The following CHRM3 variants were observed in gnomAD, a reference collection of about 807,000 sequenced individuals.
CHRM3 encodes muscarinic acetylcholine receptor M3.
Under a neutral mutation model 41.8 loss-of-function variants are expected in CHRM3, and 11 were observed. The observed-to-expected ratio is 0.26, with a 90% CI of 0.17 to 0.44. CHRM3 has a LOEUF of 0.44. Ranked by LOEUF, CHRM3 falls within the 20% of genes least tolerant of loss-of-function variation. The probability of loss-of-function intolerance (pLI) is 1.00; values close to 1 mark genes in which losing one functional copy is unlikely to be tolerated. For synonymous variants in CHRM3, 297 were observed against 301.4 expected, an observed-to-expected ratio of 0.99 and a Z score of 0.15; for missense variants, 571 against 745.4, an observed-to-expected ratio of 0.77 and a Z score of 2.72.
At chr1:239,704,306 G>A (rs1274930267) in intron 5 of CHRM3, 4 of 152,068 alleles carry the variant, frequency 2.6e-5, no homozygotes, top group African/African-American at 9.7e-5. Flanking sequence ...AGCTGACCTT[G>A]GACATGATAT....
At chr1:239,818,531 T>C (rs1166220699) in intron 5 of CHRM3, among the ~76,000 whole-genome samples, 1 of 152,162 alleles carries the variant, frequency 6.6e-6, no homozygotes, top group Admixed American at 6.5e-5. Context: ...CTCAGTGCAG[T>C]CCATGGACTA....
rs190296951 is a variant in CHRM3, at chr1:239,623,036, T to C, written c.-312-9188T>C. On this transcript the variant is annotated intron_variant, in intron 3 of 6. Transcript: ENST00000676153. ...CTGATCAGTCAGCACCCATCAACATTGAGGCAAACCCTCCACCAAAAAAAA... is the reference window on the plus strand; with the variant it reads ...CTGATCAGTCAGCACCCATCAACATCGAGGCAAACCCTCCACCAAAAAAAA... Among the ~76,000 whole-genome samples the C allele has an allele frequency of 5.1e-3, 767 of 151,808 alleles. 10 individuals are homozygous for C. The highest frequency in any genetic ancestry group is 0.018 in the African/African-American group (748 of 41,374).
At chr1:239,665,961 A>AACAT (rs1326966874) in intron 4 of CHRM3, among the ~76,000 whole-genome samples, 2 of 152,218 alleles carry the variant, frequency 1.3e-5, no homozygotes, top group African/African-American at 4.8e-5. Flanking sequence ...TATTGTAAAT[A>AACAT]GTGCTGCAAT....
chr1:239,554,729 C>CTTTTTTTTTTTTTT (rs750207504), intron 3 of CHRM3, among the ~76,000 whole-genome samples: 2 of 122,980 alleles, frequency 1.6e-5, no homozygotes, highest in Non-Finnish European at 3.3e-5. Flanking sequence ...GTATTTCTTT[C>CTTTTTTTTTTTTTT]TTTTTTTTTT....
chr1:239,422,807 AAAC>A (rs1558212075), intron 1 of CHRM3, among the ~76,000 whole-genome samples: 1 of 145,490 alleles, frequency 6.9e-6, no homozygotes, highest in African/African-American at 2.8e-5. Flanking sequence ...AAAAAAACAA[AAAC>A]AAAAACAAAA....
At chr1:239,629,637 AT>A (rs1014237993) in intron 3 of CHRM3, 3 of 152,222 alleles carry the variant, frequency 2.0e-5, no homozygotes, top group Admixed American at 6.5e-5. Flanking sequence ...AAACCAAAAA[AT>A]GTTTGTGACT....
chr1:239,458,812 T>C (rs560164629), intron 1 of CHRM3, among the ~76,000 whole-genome samples: 1 of 152,168 alleles, frequency 6.6e-6, no homozygotes, highest in Non-Finnish European at 1.5e-5. Flanking sequence ...ATGGGCATAA[T>C]GATCCAGACT....
intron 5 of CHRM3, among the ~76,000 whole-genome samples, chr1:239,679,019 A>AGATGGATG (rs1488929692): frequency 8.0e-6 from 1 of 125,320 alleles, no homozygotes; most frequent in African/African-American, 3.0e-5. Context: ...ATAGATAGGT[A>AGATGGATG]GATAGATGGA....
At chr1:239,647,680 C>T (rs1671859039) in intron 4 of CHRM3, among the ~76,000 whole-genome samples, 1 of 152,154 alleles carries the variant, frequency 6.6e-6, no homozygotes, top group Non-Finnish European at 1.5e-5. Flanking sequence ...CATGGGTTTT[C>T]ATCCTATACT....
Position 239,407,964 on chromosome 1 carries a change from T to C in CHRM3, c.-521+20737T>C, listed in dbSNP as rs1342933384. 2.0e-5 allele frequency among the ~76,000 whole-genome samples: 3 copies of C among 152,162 alleles called. No homozygotes were observed. In the East Asian group the frequency reaches 5.8e-4, roughly 29 times the overall value. On this transcript the variant is annotated intron_variant, in intron 1 of 6. Coordinates refer to ENST00000676153, the MANE Select transcript of CHRM3 (RefSeq NM_001375978.1). ...AATCTGCAACTGAGTACCTACAAGG[T>C]ACCACTATGTAAAATGTGATAGGCA...
At chr1:239,736,396 A>C (rs1460919404) in intron 5 of CHRM3, among the ~76,000 whole-genome samples, 1 of 152,088 alleles carries the variant, frequency 6.6e-6, no homozygotes, top group Non-Finnish European at 1.5e-5. Flanking sequence ...CCAAATAATA[A>C]TAATAATAAT....
rs560562677 is a variant in CHRM3 at position 239,434,985 on chromosome 1, G to C, written c.-521+47758G>C. ...CTTGTCATGCTGCTAATTGCTTCAT[G>C]CCTTCATTATAGGACTCAGCTCCCA... On this transcript the variant is annotated intron_variant, in intron 1 of 6. Transcript: ENST00000676153. Among the ~76,000 whole-genome samples the C allele has an allele frequency of 3.9e-5, 6 of 152,260 alleles. No individual in the cohort carries two copies. In the South Asian group the frequency reaches 1.0e-3, roughly 26 times the overall value.
At chr1:239,406,429 C>T (rs1424837592) in intron 1 of CHRM3, among the ~76,000 whole-genome samples, 4 of 152,162 alleles carry the variant, frequency 2.6e-5, no homozygotes, top group African/African-American at 9.7e-5. Context: ...GACTCCTTCC[C>T]TTGATCCACC....
intron 3 of CHRM3, among the ~76,000 whole-genome samples, chr1:239,587,135 G>A (rs952122849): frequency 4.6e-5 from 7 of 152,116 alleles, no homozygotes; most frequent in Admixed American, 1.3e-4. Context: ...AAATCAGCGC[G>A]TGGTGACCTT....
chr1:239,806,036 G>A (rs554537292), intron 5 of CHRM3, among the ~76,000 whole-genome samples: 1 of 152,100 alleles, frequency 6.6e-6, no homozygotes, highest in Non-Finnish European at 1.5e-5. Flanking sequence ...CCTAGTCTGT[G>A]GGGGAACCCA....
chr1:239,567,931 C>T (rs904222481), intron 3 of CHRM3, among the ~76,000 whole-genome samples: 4 of 152,128 alleles, frequency 2.6e-5, no homozygotes, highest in Non-Finnish European at 5.9e-5. Context: ...TCTCTCTAGG[C>T]CCCAATAAGG....
chr1:239,800,300 C>A (rs1192578991), intron 5 of CHRM3, among the ~76,000 whole-genome samples: 1 of 152,186 alleles, frequency 6.6e-6, no homozygotes, highest in African/African-American at 2.4e-5. Flanking sequence ...TCCATGGAGC[C>A]AGGTCACTGC....
At chr1:239,617,308 ATGT>A (rs560910368) in intron 3 of CHRM3, among the ~76,000 whole-genome samples, 60 of 152,286 alleles carry the variant, frequency 3.9e-4, no homozygotes, top group African/African-American at 1.3e-3. Context: ...AATCTAGGAA[ATGT>A]TGTAACCGTC....
intron 1 of CHRM3, among the ~76,000 whole-genome samples, chr1:239,462,343 C>A (rs544767680): frequency 6.6e-6 from 1 of 152,200 alleles, no homozygotes; most frequent in East Asian, 1.9e-4. Flanking sequence ...CCACGAGAAC[C>A]AGTTTTTGTT....
Sources: allele counts gnomAD v4.1 joint callset (sites outside exome capture counted in the v4.1 genomes callset), GRCh38; gene constraint gnomAD v4.1.1; transcripts MANE v1.5; gene names NCBI Gene and HGNC (gene_info 2026-07-23, HGNC 2026-07-21).